TXNRD1: variants seen among roughly 807,000 people sequenced by gnomAD.
The protein encoded by TXNRD1 is thioredoxin reductase 1.
Under a neutral mutation model 80.3 loss-of-function variants are expected in TXNRD1, and 57 were observed. The ratio of observed to expected loss-of-function variants is 0.71; its 90% CI spans 0.57 to 0.89. The LOEUF is 0.89. Among genes scored for constraint, TXNRD1 ranks in the 40% least tolerant of loss-of-function variants. TXNRD1 has a pLI of 0.00. For missense variants in TXNRD1, 730 were observed against 803.0 expected (o/e 0.91, Z 1.10); for synonymous variants, 291 against 285.2 (o/e 1.02, Z -0.20).
chr12:104,268,534 GA>G (rs1205861320), intron 3 of TXNRD1, among the ~76,000 whole-genome samples: 1 of 151,610 alleles, frequency 6.6e-6, no homozygotes, highest in Non-Finnish European at 1.5e-5. Context: ...CAAAAAAAAA[GA>G]AAGAAAGAGA....
At chr12:104,304,048 C>G (rs775965386) in intron 4 of TXNRD1, 1 of 1,613,612 alleles carries the variant, frequency 6.2e-7, no homozygotes, top group African/African-American at 1.3e-5. Context: ...AGAAGTGCCG[C>G]AGCATCCGCA....
At chr12:104,291,167 T>G in intron 4 of TXNRD1, 1 of 527,014 alleles carries the variant, frequency 1.9e-6, no homozygotes, top group South Asian at 2.4e-5. Flanking sequence ...TTTAGCATAT[T>G]TCTTAAGTAA....
At chr12:104,336,798 A>G (rs1274779692) in intron 15 of TXNRD1, among the ~76,000 whole-genome samples, 2 of 152,246 alleles carry the variant, frequency 1.3e-5, no homozygotes, top group Non-Finnish European at 2.9e-5. Flanking sequence ...TGTGAGGTAT[A>G]TATGCTATTG....
At chr12:104,265,605 C>G in intron 3 of TXNRD1, 1 of 1,607,630 alleles carries the variant, frequency 6.2e-7, no homozygotes, top group Non-Finnish European at 8.5e-7. Flanking sequence ...AATACCGGGA[C>G]CTGACCACCG....
chr12:104,344,743 C>T (rs777756946), intron 16 of TXNRD1, among the ~76,000 whole-genome samples: 8 of 152,144 alleles, frequency 5.3e-5, no homozygotes, highest in African/African-American at 1.9e-4. Flanking sequence ...CAACCCTTAC[C>T]AGCCTCTAGT....
chr12:104,235,804 T>C (rs1435818201), intron 1 of TXNRD1, among the ~76,000 whole-genome samples: 1 of 152,158 alleles, frequency 6.6e-6, no homozygotes, highest in East Asian at 1.9e-4. Context: ...CAAGCTTCCA[T>C]GTTGTTTCAT....
chr12:104,279,801 A>G (rs1304909178), intron 3 of TXNRD1, among the ~76,000 whole-genome samples: 1 of 152,142 alleles, frequency 6.6e-6, no homozygotes, highest in Non-Finnish European at 1.5e-5. Context: ...ACGGTGGCTC[A>G]CCCCTGTAAT....
chr12:104,228,090 G>A (rs1473923612), intron 1 of TXNRD1, among the ~76,000 whole-genome samples: 1 of 152,104 alleles, frequency 6.6e-6, no homozygotes, highest in Non-Finnish European at 1.5e-5. Flanking sequence ...ATCACCTGAG[G>A]TCAGGAGTTA....
rs1215321531 is a variant in TXNRD1, at chr12:104,347,269, G to T, written c.1882-1084G>T. On this transcript the variant is annotated intron_variant, in intron 16 of 16. Coordinates refer to ENST00000525566, the MANE Select transcript of TXNRD1 (RefSeq NM_001093771.3). The stretch of plus-strand genomic sequence containing the variant: ...ATACTGGCCATTAGTATTTGGTCTG[G>T]ATTTTTTTGAGAAGTAAAGGCTTTG... Among the ~76,000 whole-genome samples the T allele has an allele frequency of 2.0e-5, 3 of 151,926 alleles. No homozygotes were observed. The East Asian group carries it at 5.8e-4, about 29-fold the overall frequency.
At chr12:104,310,227 GCAA>G in intron 4 of TXNRD1, 2 of 1,019,892 alleles carry the variant, frequency 2.0e-6, no homozygotes, top group Non-Finnish European at 2.7e-6. Context: ...TTGGCTCACT[GCAA>G]CGTCTGCCTC....
chr12:104,294,237 C>G (rs1263849318), intron 4 of TXNRD1, among the ~76,000 whole-genome samples: 2 of 122,678 alleles, frequency 1.6e-5, no homozygotes, highest in African/African-American at 3.1e-5. Context: ...GGAAAGGCCC[C>G]CCCCCCCGCC....
At position 104,222,141 on chromosome 12, in the gene TXNRD1, G is replaced by A. The variant is rs561749051; in HGVS notation, c.91+6248G>A. Reference sequence around the variant, plus strand: ...AATGCAATTAAGCAAAATACTGAGGGTCAAACAAGATGTGATTGCAGGTAA... The same window carrying A: ...AATGCAATTAAGCAAAATACTGAGGATCAAACAAGATGTGATTGCAGGTAA... On this transcript the variant is annotated intron_variant, in intron 1 of 16. Coordinates refer to ENST00000525566, the MANE Select transcript of TXNRD1 (RefSeq NM_001093771.3). 3.3e-5 allele frequency among the ~76,000 whole-genome samples: 5 copies of A among 152,276 alleles called. No individual in the cohort carries two copies. In the East Asian group the frequency reaches 9.6e-4, roughly 29 times the overall value.
At chr12:104,268,539 A>C (rs997036479) in intron 3 of TXNRD1, among the ~76,000 whole-genome samples, 3 of 151,712 alleles carry the variant, frequency 2.0e-5, no homozygotes, top group African/African-American at 7.2e-5. Flanking sequence ...AAAAAGAAAG[A>C]AAGAGAGTAT....
At chr12:104,218,033 AT>A (rs894052334) in intron 1 of TXNRD1, among the ~76,000 whole-genome samples, 36 of 148,074 alleles carry the variant, frequency 2.4e-4, no homozygotes, top group Non-Finnish European at 3.9e-4. Flanking sequence ...CACACACCAC[AT>A]TTTTTTTTTC....
At chr12:104,218,889 T>G (rs967981603) in intron 1 of TXNRD1, among the ~76,000 whole-genome samples, 10 of 152,204 alleles carry the variant, frequency 6.6e-5, no homozygotes, top group African/African-American at 2.4e-4. Context: ...ATTACAGGTG[T>G]GAGCCACTGT....
At position 104,318,902 on chromosome 12, in the gene TXNRD1, T is replaced by G. The variant is rs1362139690; in HGVS notation, c.731-11T>G. The G allele has an allele frequency of 1.9e-6, 3 of 1,594,888 alleles. No individual in the cohort carries two copies. Among genetic ancestry groups the G allele is most frequent in the Non-Finnish European group, 1.7e-6 (2 of 1,174,314 alleles). On this transcript the variant is annotated splice_polypyrimidine_tract_variant and intron_variant, in intron 7 of 16. Coordinates refer to ENST00000525566, the MANE Select transcript of TXNRD1 (RefSeq NM_001093771.3). ...AAGCCAAACAAGATTTTGTTTTATT[T>G]TCTTATACAGTTAAGCATGATTGGG... is the stretch of plus-strand genomic sequence containing the variant.
intron 1 of TXNRD1, among the ~76,000 whole-genome samples, chr12:104,250,082 G>A (rs2033086923): frequency 6.6e-6 from 1 of 152,058 alleles, no homozygotes; most frequent in African/African-American, 2.4e-5. Context: ...TAACATACTG[G>A]TTAAAAGCAT....
At chr12:104,237,464 AC>A (rs1369799899) in intron 1 of TXNRD1, among the ~76,000 whole-genome samples, 1 of 152,116 alleles carries the variant, frequency 6.6e-6, no homozygotes, top group Admixed American at 6.5e-5. Flanking sequence ...CCTTTTGGGG[AC>A]CCAAAATCCA....
intron 9 of TXNRD1, 88 bp from the exon 10 acceptor site, chr12:104,321,003 A>G (rs1178464107): frequency 1.7e-5 from 16 of 921,834 alleles, no homozygotes; most frequent in Non-Finnish European, 2.5e-5. Flanking sequence ...TGTTCTTGTC[A>G]AAGTAAAAAT....
Sources: allele counts gnomAD v4.1 joint callset (sites outside exome capture counted in the v4.1 genomes callset), GRCh38; gene constraint gnomAD v4.1.1; transcripts MANE v1.5; gene names NCBI Gene and HGNC (gene_info 2026-07-23, HGNC 2026-07-21).